The following KALRN variants were observed in gnomAD, a reference collection of about 807,000 sequenced individuals.
The protein encoded by KALRN is kalirin.
KALRN carries 70 observed loss-of-function variants against 353.7 expected under a neutral mutation model. The observed-to-expected ratio is 0.20, with a 90% CI of 0.16 to 0.24. KALRN has a LOEUF of 0.24. Ranked by LOEUF, KALRN falls within the 10% of genes least tolerant of loss-of-function variation. KALRN has a pLI of 1.00. For missense variants in KALRN, 2,791 were observed against 3,756.7 expected, an observed-to-expected ratio of 0.74 and a Z score of 6.72; for synonymous variants, 1,391 against 1,434.8, an observed-to-expected ratio of 0.97 and a Z score of 0.69.
chr3:124,384,094 C>T (rs1406296035), intron 10 of KALRN, among the ~76,000 whole-genome samples: 1 of 152,184 alleles, frequency 6.6e-6, no homozygotes, highest in Non-Finnish European at 1.5e-5. Flanking sequence ...GGCTCCCATC[C>T]TGATGAATAA....
intron 33 of KALRN, among the ~76,000 whole-genome samples, chr3:124,536,196 CTT>C (rs34435871): frequency 3.2e-4 from 32 of 99,148 alleles, no homozygotes; most frequent in African/African-American, 8.1e-4. Context: ...CATCCATACT[CTT>C]TTTTTTTTTT....
At chr3:124,498,975 C>T (rs981815365) in intron 33 of KALRN, among the ~76,000 whole-genome samples, 1 of 151,900 alleles carries the variant, frequency 6.6e-6, no homozygotes, top group Non-Finnish European at 1.5e-5. Flanking sequence ...TGGACTGATT[C>T]AGGTAAACTG....
intron 5 of KALRN, among the ~76,000 whole-genome samples, chr3:124,279,434 C>T (rs942945904): frequency 2.6e-5 from 4 of 152,150 alleles, no homozygotes; most frequent in Non-Finnish European, 1.5e-5. Context: ...GTGGAATCAG[C>T]AGTGGATAGA....
intron 34 of KALRN, among the ~76,000 whole-genome samples, chr3:124,617,743 C>T (rs2078780460): frequency 6.6e-6 from 1 of 152,114 alleles, no homozygotes; most frequent in Non-Finnish European, 1.5e-5. Flanking sequence ...ATTTTTATTT[C>T]CCACAAGTCC....
chr3:124,519,369 G>C (rs1172534936), intron 33 of KALRN: 3 of 985,288 alleles, frequency 3.0e-6, no homozygotes, highest in African/African-American at 1.7e-5. Context: ...ACTCAAGAGA[G>C]AGCCCCAACC....
intron 1 of KALRN, among the ~76,000 whole-genome samples, chr3:124,066,499 G>A (rs1045194717): frequency 1.5e-4 from 23 of 152,198 alleles, no homozygotes; most frequent in African/African-American, 2.4e-5. Flanking sequence ...TTACAAAGGT[G>A]TGGGGAGGGA....
At chr3:124,514,517 G>T (rs2066320101) in intron 33 of KALRN, among the ~76,000 whole-genome samples, 1 of 152,184 alleles carries the variant, frequency 6.6e-6, no homozygotes, top group African/African-American at 2.4e-5. Flanking sequence ...CTCCTAATAT[G>T]AGCCTGGCAT....
chr3:124,422,300 A>G (rs916752493), intron 14 of KALRN, among the ~76,000 whole-genome samples: 9 of 152,206 alleles, frequency 5.9e-5, no homozygotes, highest in African/African-American at 1.9e-4. Context: ...GGGAATTTAA[A>G]AGGAATTTTT....
chr3:124,151,933 C>A, intron 1 of KALRN: 5 of 900,234 alleles, frequency 5.6e-6, no homozygotes, highest in Non-Finnish European at 8.9e-6. Flanking sequence ...AACTGACCAG[C>A]TTAGAAAAAT....
intron 12 of KALRN, 72 bp downstream of exon 12, chr3:124,395,415 G>C (rs1560792758): frequency 7.6e-7 from 1 of 1,317,238 alleles, no homozygotes; most frequent in Non-Finnish European, 1.1e-6. Flanking sequence ...TCCCAGTCTT[G>C]ACTCAGCAAA....
At chr3:124,713,895 G>T (rs142533253) in intron 58 of KALRN, among the ~76,000 whole-genome samples, 600 of 152,258 alleles carry the variant, frequency 3.9e-3, no homozygotes, top group African/African-American at 0.014. Flanking sequence ...CCCCTTTTCA[G>T]TAGAGAAGTG....
At chr3:124,086,224 A>G (rs1181394261) in intron 1 of KALRN, among the ~76,000 whole-genome samples, 1 of 152,030 alleles carries the variant, frequency 6.6e-6, no homozygotes, top group East Asian at 1.9e-4. Flanking sequence ...TGAAGGCTAC[A>G]TGCTTTAGAA....
intron 5 of KALRN, among the ~76,000 whole-genome samples, chr3:124,281,067 G>GA (rs1046652715): frequency 5.3e-5 from 8 of 151,674 alleles, no homozygotes; most frequent in East Asian, 1.9e-4. Context: ...ATAAAAAAAA[G>GA]AAAAAAAACA....
intron 9 of KALRN, among the ~76,000 whole-genome samples, chr3:124,340,296 C>T (rs957074345): frequency 3.3e-5 from 5 of 151,682 alleles, no homozygotes; most frequent in African/African-American, 4.8e-5. Context: ...CTGAGGTGAG[C>T]GGATTGCCTG....
At chr3:124,467,824 G>A (rs556162832) in intron 25 of KALRN, among the ~76,000 whole-genome samples, 2 of 152,290 alleles carry the variant, frequency 1.3e-5, no homozygotes, top group South Asian at 2.1e-4. Flanking sequence ...GAGAGAGCTA[G>A]GTGGATAGAG....
At chr3:124,131,098 T>G (rs2065224546) in intron 1 of KALRN, among the ~76,000 whole-genome samples, 1 of 152,224 alleles carries the variant, frequency 6.6e-6, no homozygotes, top group African/African-American at 2.4e-5. Flanking sequence ...CAAGTTATGC[T>G]TTAATGAAAA....
Position 124,666,442 on chromosome 3 carries a change from C to T in KALRN, c.6346-7C>T, listed in dbSNP as rs778470678. ...ATTCACTTCACCCCAGCCCGTCTTT[C>T]CTTCAGGGCACTCTGACTGCTCAGG... On this transcript the variant is annotated splice_polypyrimidine_tract_variant and splice_region_variant and intron_variant, in intron 45 of 59. Coordinates refer to ENST00000682506, the MANE Select transcript of KALRN (RefSeq NM_001388419.1). 2 of 1,613,244 alleles carry T rather than the reference C, an allele frequency of 1.2e-6. No homozygotes were observed. Among genetic ancestry groups the T allele is most frequent in the African/African-American group, 1.3e-5 (1 of 74,918 alleles).
intron 1 of KALRN, among the ~76,000 whole-genome samples, chr3:124,156,855 A>G (rs1283389935): frequency 2.0e-5 from 3 of 152,202 alleles, no homozygotes; most frequent in Admixed American, 6.5e-5. Context: ...AGTCCCAGTC[A>G]CTACAAGCCT....
intron 24 of KALRN, 21 bp downstream of exon 24, chr3:124,461,977 T>C: frequency 1.3e-6 from 2 of 1,568,882 alleles, no homozygotes; most frequent in Non-Finnish European, 1.8e-6. Context: ...CAGTAATCCG[T>C]TCACAGCTAT....
Sources: gnomAD v4.1 joint callset for allele counts (sites outside exome capture counted in the v4.1 genomes callset) on GRCh38, gnomAD v4.1.1 for gene constraint, MANE v1.5 for transcripts, NCBI Gene and HGNC (gene_info 2026-07-23, HGNC 2026-07-21) for gene names.